Variants in PATL2 observed in about 807,000 individuals in gnomAD.
PATL2 encodes the protein PAT1 homolog 2, also known as protein PAT1 homolog 2.
PATL2 carries 73 observed loss-of-function variants against 77.0 expected under a neutral mutation model. That is an observed-to-expected ratio of 0.95 (90% confidence interval 0.78 to 1.15). The LOEUF is 1.15. Ranked by LOEUF, PATL2 falls within the 50% of genes most tolerant of loss-of-function variation. The pLI is 0.00. For synonymous variants in PATL2, 265 were observed against 257.1 expected, an observed-to-expected ratio of 1.03 and a Z score of -0.29; for missense variants, 618 against 655.4, an observed-to-expected ratio of 0.94 and a Z score of 0.62.
chr15:44,685,920 G>A (rs1247069390), intron 3 of PATL2, among the ~76,000 whole-genome samples: 2 of 152,120 alleles, frequency 1.3e-5, no homozygotes, highest in Non-Finnish European at 2.9e-5. Context: ...AGTTCTTAGA[G>A]ACCTACAAAG....
intron 3 of PATL2, among the ~76,000 whole-genome samples, chr15:44,708,581 C>G (rs1363839215): frequency 6.6e-6 from 1 of 152,148 alleles, no homozygotes; most frequent in African/African-American, 2.4e-5. Context: ...TCTTTTCTGT[C>G]TGACTTCTTT....
At position 44,673,281 on chromosome 15, in the gene PATL2, G is replaced by C. The variant is rs1459341684; in HGVS notation, c.400C>G (p.Pro134Ala). The C allele has an allele frequency of 1.3e-6, 2 of 1,551,670 alleles. No homozygotes were observed. Among genetic ancestry groups the C allele is most frequent in the South Asian group, 1.2e-5 (1 of 84,064 alleles). The change falls in exon 7 of 18, where the codon CCA becomes GCA. Residue 134 changes from proline (P) to alanine (A), a missense_variant. Physicochemically the swap from Pro to Ala is conservative, Grantham distance 27 (BLOSUM62 -1). Transcript: ENST00000682850. The part of the protein sequence containing the change: ...HFGPRLPSPD[P>A]TLFCSLLTSW... ...GTCAGCAGGCTGCAGAAGAGAGTTG[G>C]GTCTGGTGAGGGCAGCCGAGGTCCA...
At chr15:44,704,951 T>C (rs2086702309) in intron 3 of PATL2, among the ~76,000 whole-genome samples, 1 of 152,238 alleles carries the variant, frequency 6.6e-6, no homozygotes, top group African/African-American at 2.4e-5. Flanking sequence ...ATGTTATTTG[T>C]TTATTTTCTG....
At chr15:44,693,285 G>A (rs1246113379) in intron 3 of PATL2, among the ~76,000 whole-genome samples, 2 of 152,184 alleles carry the variant, frequency 1.3e-5, no homozygotes, top group African/African-American at 2.4e-5. Context: ...ACACAAATAT[G>A]ATGGGGCTAA....
intron 3 of PATL2, among the ~76,000 whole-genome samples, chr15:44,704,820 T>C (rs1258321734): frequency 6.6e-6 from 1 of 152,232 alleles, no homozygotes; most frequent in Non-Finnish European, 1.5e-5. Context: ...CCCTCAACTT[T>C]TGTTTGTCTA....
chr15:44,691,105 T>A (rs894553678), intron 3 of PATL2, among the ~76,000 whole-genome samples: 1 of 151,958 alleles, frequency 6.6e-6, no homozygotes, highest in Admixed American at 6.5e-5. Flanking sequence ...CTACTTTTTT[T>A]AACTGATATT....
chr15:44,675,915 C>T, intron 4 of PATL2: 1 of 528,786 alleles, frequency 1.9e-6, no homozygotes, highest in Non-Finnish European at 3.3e-6. Flanking sequence ...GGTGTGGTGG[C>T]TCGTGCCTGT....
At chr15:44,701,698 CAAA>C (rs77174261) in intron 3 of PATL2, among the ~76,000 whole-genome samples, 4 of 52,770 alleles carry the variant, frequency 7.6e-5, no homozygotes, top group Admixed American at 1.9e-4. Flanking sequence ...GACCCTGTCT[CAAA>C]AAAAAAAAAA....
intron 3 of PATL2, among the ~76,000 whole-genome samples, chr15:44,683,189 G>A (rs989041839): frequency 3.9e-5 from 6 of 152,090 alleles, no homozygotes; most frequent in African/African-American, 1.4e-4. Flanking sequence ...TGAGCTAGCT[G>A]CAGTTTTTTT....
chr15:44,668,547 C>T (rs889453493), intron 14 of PATL2, 65 bp from the exon 15 acceptor site: 3 of 1,520,468 alleles, frequency 2.0e-6, no homozygotes, highest in Middle Eastern at 2.1e-4. Context: ...TACCTTGCTT[C>T]CACAGTCCCT....
chr15:44,669,603 C>T, intron 11 of PATL2, 40 bp from the exon 12 acceptor site: 2 of 1,544,866 alleles, frequency 1.3e-6, no homozygotes, highest in South Asian at 2.4e-5. Context: ...TACACTGCCA[C>T]TGCCACAGCC....
At position 44,672,167 on chromosome 15, in the gene PATL2, G is replaced by A. The variant is rs753625065; in HGVS notation, c.516-11C>T. 9.7e-6 allele frequency: 15 copies of A among 1,551,722 alleles called. No individual in the cohort carries two copies. The highest frequency in any genetic ancestry group is 1.2e-5 in the Non-Finnish European group (14 of 1,147,004). Reference sequence around the variant, plus strand: ...TTCTTGGCTGGGGGACTTTAAGCCAGGAGGAACAACCCTTTAGACTTACCC... The same window carrying A: ...TTCTTGGCTGGGGGACTTTAAGCCAAGAGGAACAACCCTTTAGACTTACCC... On this transcript the variant is annotated splice_polypyrimidine_tract_variant and intron_variant, in intron 8 of 17. Coordinates refer to ENST00000682850, the MANE Select transcript of PATL2 (RefSeq NM_001387263.1).
At chr15:44,706,150 T>C (rs80080854) in intron 3 of PATL2, among the ~76,000 whole-genome samples, 8 of 152,352 alleles carry the variant, frequency 5.3e-5, no homozygotes, top group Middle Eastern at 3.4e-3. Context: ...TCTGTTTCTC[T>C]GGGATTGGCC....
At chr15:44,705,808 A>ATTGTTTT (rs2086722716) in intron 3 of PATL2, among the ~76,000 whole-genome samples, 1 of 56,626 alleles carries the variant, frequency 1.8e-5, no homozygotes, top group South Asian at 4.1e-4. Context: ...TCCTCAAAAC[A>ATTGTTTT]TTGTTTTTTT....
chr15:44,672,959 CA>C (rs2085763857), intron 7 of PATL2, among the ~76,000 whole-genome samples: 1 of 152,128 alleles, frequency 6.6e-6, no homozygotes, highest in South Asian at 2.1e-4. Context: ...ACAGTTTCAC[CA>C]TGTTGGCCAG....
At chr15:44,697,180 C>T (rs537777212) in intron 3 of PATL2, among the ~76,000 whole-genome samples, 1 of 151,898 alleles carries the variant, frequency 6.6e-6, no homozygotes, top group Non-Finnish European at 1.5e-5. Flanking sequence ...TCCTTCTCCT[C>T]CTCCTTTCTT....
chr15:44,671,188 GAGGTGAA>G (rs1183905979), intron 9 of PATL2, among the ~76,000 whole-genome samples: 40 of 152,174 alleles, frequency 2.6e-4, no homozygotes, highest in Admixed American at 2.6e-3. Context: ...CCCAGATGTT[GAGGTGAA>G]AGTGAAACAG....
At chr15:44,674,278 G>T in intron 5 of PATL2, 48 bp from the exon 6 acceptor site, 1 of 1,375,582 alleles carries the variant, frequency 7.3e-7, no homozygotes, top group African/African-American at 1.5e-5. Flanking sequence ...CCCCTGTAGT[G>T]TCTTCTGCAT....
chr15:44,677,342 G>A (rs1464567706), intron 3 of PATL2, among the ~76,000 whole-genome samples: 3 of 152,052 alleles, frequency 2.0e-5, no homozygotes, highest in South Asian at 4.2e-4. Context: ...GCCCTTCACC[G>A]GGTCATGTGA....
Sources: allele counts gnomAD v4.1 joint callset (sites outside exome capture counted in the v4.1 genomes callset), GRCh38; gene constraint gnomAD v4.1.1; transcripts MANE v1.5; gene names NCBI Gene and HGNC (gene_info 2026-07-23, HGNC 2026-07-21).